The following GAB1 variants were observed in gnomAD, a reference collection of about 807,000 sequenced individuals.
The protein encoded by GAB1 is GRB2-associated-binding protein 1.
In GAB1, 19 loss-of-function variants were observed where a neutral mutation model predicts 66.5. That is an observed-to-expected ratio of 0.29 (90% confidence interval 0.20 to 0.42). The LOEUF is 0.42. GAB1 is among the 10% of genes least tolerant of loss of function. The pLI, the probability that GAB1 is intolerant of heterozygous loss-of-function variation, is 1.00. For missense variants in GAB1, 732 were observed against 858.5 expected, an observed-to-expected ratio of 0.85 and a Z score of 1.84; for synonymous variants, 294 against 301.4, an observed-to-expected ratio of 0.98 and a Z score of 0.25.
At chr4:143,438,977 C>T (rs1018692566) in intron 4 of GAB1, among the ~76,000 whole-genome samples, 29 of 152,172 alleles carry the variant, frequency 1.9e-4, no homozygotes, top group Non-Finnish European at 3.5e-4. Context: ...ATTATGGCCG[C>T]TTCTAAGTCA....
chr4:143,457,117 T>C (rs753394512), intron 6 of GAB1, among the ~76,000 whole-genome samples: 26 of 152,194 alleles, frequency 1.7e-4, no homozygotes, highest in Non-Finnish European at 3.2e-4. Flanking sequence ...TTAGTAAATA[T>C]AGTAGTGGCA....
Position 143,416,474 on chromosome 4 carries a change from A to G in GAB1, c.367+703A>G, listed in dbSNP as rs569492495. Among the ~76,000 whole-genome samples the G allele has an allele frequency of 2.0e-3, 302 of 152,132 alleles. 2 individuals are homozygous for G. The highest frequency in any genetic ancestry group is 6.9e-3 in the African/African-American group (287 of 41,492). On this transcript the variant is annotated intron_variant, in intron 2 of 9. Coordinates refer to ENST00000262994, the MANE Select transcript of GAB1 (RefSeq NM_002039.4). The stretch of plus-strand genomic sequence containing the variant: ...GTGCTATTTAAAAATATATTTTAAA[A>G]CTATATTAGATTATGGCCGGGCACA...
At chr4:143,463,379 T>C (rs1456183068) in intron 8 of GAB1, among the ~76,000 whole-genome samples, 1 of 152,068 alleles carries the variant, frequency 6.6e-6, no homozygotes, top group African/African-American at 2.4e-5. Context: ...CCCAGCACTT[T>C]AAGGAGGCCG....
At chr4:143,341,278 G>C (rs1028358265) in intron 1 of GAB1, among the ~76,000 whole-genome samples, 7 of 152,090 alleles carry the variant, frequency 4.6e-5, no homozygotes, top group Non-Finnish European at 1.0e-4. Flanking sequence ...GTAAAGTCTT[G>C]GTAGTATGCA....
At chr4:143,408,449 T>C (rs1732182318) in intron 1 of GAB1, among the ~76,000 whole-genome samples, 1 of 152,202 alleles carries the variant, frequency 6.6e-6, no homozygotes, top group Admixed American at 6.5e-5. Context: ...TGTGTTTGTA[T>C]AAACACACAG....
In GAB1 at chr4:143,469,478, C is replaced by T. The variant is rs1258818421; in HGVS notation, c.*289C>T. The T allele has an allele frequency of 3.8e-6, 1 of 264,870 alleles. No individual in the cohort carries two copies. The highest frequency in any genetic ancestry group is 2.1e-5 in the African/African-American group (1 of 46,960). The allele number at this position is 264,870 out of a possible 1,614,324, so 16.4% of individuals were successfully genotyped here. On this transcript the variant is annotated 3_prime_UTR_variant, in exon 10 of 10. Coordinates refer to ENST00000262994, the MANE Select transcript of GAB1 (RefSeq NM_002039.4). ...GTATTACTGTATTTATGCACTTTTT[C>T]ATCTAAAACATTGTTCTGGGTTTTC... is the stretch of plus-strand genomic sequence containing the variant.
At position 143,471,901 on chromosome 4, in the gene GAB1, C is replaced by T. The variant is rs944267565; in HGVS notation, c.*2712C>T. On this transcript the variant is annotated 3_prime_UTR_variant, in exon 10 of 10. Coordinates refer to ENST00000262994, the MANE Select transcript of GAB1 (RefSeq NM_002039.4). The stretch of plus-strand genomic sequence containing the variant: ...GTATAAAAACTAAATTTGAATCAAA[C>T]CCTTTTAACTCACCTCCAAGAAGCT... 2 of 152,076 alleles carry T rather than the reference C, an allele frequency of 1.3e-5. No homozygotes were observed. Among genetic ancestry groups the T allele is most frequent in the African/African-American group, 4.8e-5 (2 of 41,400 alleles). 9.4% of individuals were successfully genotyped at this position (152,076 alleles called of 1,614,324 possible). A position where few individuals can be genotyped will look rare whatever the true frequency, so the allele number is the denominator to read the frequency against.
At chr4:143,419,621 C>A (rs1732904752) in intron 2 of GAB1, among the ~76,000 whole-genome samples, 1 of 152,080 alleles carries the variant, frequency 6.6e-6, no homozygotes. Flanking sequence ...TTTATGTGTT[C>A]ATTAATAGAT....
intron 4 of GAB1, 39 bp downstream of exon 4, chr4:143,438,639 G>T: frequency 6.4e-7 from 1 of 1,567,978 alleles, no homozygotes; most frequent in Non-Finnish European, 8.6e-7. Context: ...AGAGGTTAAT[G>T]ATAGAAAATC....
At chr4:143,466,480 C>CTTT (rs776557170) in intron 9 of GAB1, among the ~76,000 whole-genome samples, 17 of 67,264 alleles carry the variant, frequency 2.5e-4, no homozygotes, top group Non-Finnish European at 3.6e-4. Context: ...TTAACAAATT[C>CTTT]TTTTTTTTTT....
chr4:143,384,224 G>C (rs1242363342), intron 1 of GAB1, among the ~76,000 whole-genome samples: 1 of 152,166 alleles, frequency 6.6e-6, no homozygotes, highest in East Asian at 1.9e-4. Flanking sequence ...ATTCTTTGCT[G>C]CATTTCTATA....
intron 6 of GAB1, among the ~76,000 whole-genome samples, chr4:143,450,934 A>G (rs1330561474): frequency 1.1e-4 from 16 of 152,042 alleles, no homozygotes; most frequent in Non-Finnish European, 1.2e-4. Context: ...CAGGTTAAAC[A>G]CCACTAGCTT....
intron 1 of GAB1, among the ~76,000 whole-genome samples, chr4:143,382,277 G>C (rs1377032789): frequency 6.6e-6 from 1 of 152,112 alleles, no homozygotes; most frequent in Non-Finnish European, 1.5e-5. Context: ...CAGTGAAGCT[G>C]TATATTTGTT....
At chr4:143,421,698 C>CTTTTTT (rs70953733) in intron 2 of GAB1, among the ~76,000 whole-genome samples, 22 of 118,678 alleles carry the variant, frequency 1.9e-4, no homozygotes, top group East Asian at 7.3e-4. Flanking sequence ...CTTTTCTTTT[C>CTTTTTT]TTTTTTTTTT....
intron 1 of GAB1, among the ~76,000 whole-genome samples, chr4:143,393,292 C>G (rs1731276873): frequency 6.6e-6 from 1 of 151,142 alleles, no homozygotes; most frequent in African/African-American, 2.4e-5. Flanking sequence ...CCTACAAAAC[C>G]TAAAATATTT....
chr4:143,384,430 A>G (rs982204880), intron 1 of GAB1, among the ~76,000 whole-genome samples: 3 of 152,196 alleles, frequency 2.0e-5, no homozygotes, highest in African/African-American at 7.2e-5. Flanking sequence ...GGGTTCATCT[A>G]CCATGGTAAG....
chr4:143,457,931 CAAT>C lies in GAB1; in HGVS notation c.1586-1453_1586-1451del, dbSNP rs1165384556. Among the ~76,000 whole-genome samples, 3 of 152,216 alleles carry C rather than the reference CAAT, an allele frequency of 2.0e-5. No homozygotes were observed. The South Asian group carries it at 6.2e-4, about 32-fold the overall frequency. Reference sequence around the variant, plus strand: ...TAAAGTGAATGCTTCCCATAATACACAATGAGTCTACTTACTCTGCCATTAACA... The same window carrying C: ...TAAAGTGAATGCTTCCCATAATACACGAGTCTACTTACTCTGCCATTAACA... On this transcript the variant is annotated intron_variant, in intron 6 of 9. Coordinates refer to ENST00000262994, the MANE Select transcript of GAB1 (RefSeq NM_002039.4).
rs140859773 is a variant in GAB1, at chr4:143,357,804, C to G, written c.72+20544C>G. On this transcript the variant is annotated intron_variant, in intron 1 of 9. Transcript: ENST00000262994. Reference sequence around the variant, plus strand: ...TTTCCAGGAAATGATTCCTTCTACCCTAAGGGCTTTTTCCTTTCCTTTATC... The same window carrying G: ...TTTCCAGGAAATGATTCCTTCTACCGTAAGGGCTTTTTCCTTTCCTTTATC... 2.1e-3 allele frequency among the ~76,000 whole-genome samples: 323 copies of G among 152,068 alleles called. 3 individuals carry two copies. Among genetic ancestry groups the G allele is most frequent in the African/African-American group, 7.5e-3 (309 of 41,466 alleles).
At chr4:143,449,886 C>G (rs555583539) in intron 6 of GAB1, among the ~76,000 whole-genome samples, 4 of 151,822 alleles carry the variant, frequency 2.6e-5, no homozygotes, top group East Asian at 1.9e-4. Flanking sequence ...TTCCTAGTCT[C>G]GGTGGTGTTT....
Sources: gnomAD v4.1 joint callset for allele counts (sites outside exome capture counted in the v4.1 genomes callset) on GRCh38, gnomAD v4.1.1 for gene constraint, MANE v1.5 for transcripts, NCBI Gene and HGNC (gene_info 2026-07-23, HGNC 2026-07-21) for gene names.